MID1: variants seen among roughly 807,000 people sequenced by gnomAD.
The protein encoded by MID1 is E3 ubiquitin-protein ligase Midline-1.
Under a neutral mutation model 40.4 loss-of-function variants are expected in MID1, and 7 were observed. The ratio of observed to expected loss-of-function variants is 0.17; its 90% CI spans 0.10 to 0.33. The LOEUF (loss-of-function observed/expected upper bound fraction) is 0.33. Ranked by LOEUF, MID1 falls within the 10% of genes least tolerant of loss-of-function variation. MID1 has a pLI of 1.00. For synonymous variants in MID1, 229 were observed against 221.2 expected, an observed-to-expected ratio of 1.04 and a Z score of -0.31; for missense variants, 367 against 558.5, an observed-to-expected ratio of 0.66 and a Z score of 3.46.
chrX:10,547,814 A>T (rs1442700323), intron 2 of MID1, among the ~76,000 whole-genome samples: 1 of 111,424 alleles, frequency 9.0e-6, no homozygotes, highest in Non-Finnish European at 1.9e-5. Flanking sequence ...TTGGGAACTC[A>T]AATTTAAAGA....
intron 2 of MID1, among the ~76,000 whole-genome samples, chrX:10,541,545 T>C (rs773884139): frequency 1.8e-5 from 2 of 111,584 alleles, no homozygotes; most frequent in Non-Finnish European, 3.8e-5. Flanking sequence ...CACAAGGCTG[T>C]TGATTGACAA....
At chrX:10,614,565 T>C (rs1935809163) in intron 1 of MID1, among the ~76,000 whole-genome samples, 1 of 112,081 alleles carries the variant, frequency 8.9e-6, no homozygotes, top group Admixed American at 9.4e-5. Flanking sequence ...CTCACCCATA[T>C]TACTTCTTTC....
At chrX:10,495,520 G>T in intron 4 of MID1, 64 bp downstream of exon 4, 1 of 829,857 alleles carries the variant, frequency 1.2e-6, no homozygotes, top group Non-Finnish European at 1.8e-6. Flanking sequence ...AAAGTCCCTG[G>T]AGTGTATTAG....
chrX:10,569,867 TTCACA>T (rs1934672481), intron 1 of MID1, among the ~76,000 whole-genome samples: 1 of 111,124 alleles, frequency 9.0e-6, no homozygotes, highest in Admixed American at 9.6e-5. Flanking sequence ...GAATCTGGGG[TTCACA>T]TCACCTCATC....
chrX:10,822,184 C>T (rs2044179751), intron 1 of MID1, among the ~76,000 whole-genome samples: 1 of 111,220 alleles, frequency 9.0e-6, no homozygotes, highest in Non-Finnish European at 1.9e-5. Context: ...AGAAGTAAGG[C>T]CACACACCTG....
chrX:10,650,466 T>C (rs894573996), intron 1 of MID1, among the ~76,000 whole-genome samples: 1 of 110,846 alleles, frequency 9.0e-6, no homozygotes, highest in African/African-American at 3.3e-5. Context: ...AGAAAACAAT[T>C]ACCTCTGGTC....
At chrX:10,622,851 T>C (rs745444608), upstream of MID1, among the ~76,000 whole-genome samples, 10 of 111,628 alleles carry the variant, frequency 9.0e-5, no homozygotes, top group Non-Finnish European at 1.5e-4. Flanking sequence ...CACAAAGTCT[T>C]TTTCATTTAC....
intron 4 of MID1, among the ~76,000 whole-genome samples, chrX:10,492,382 T>A (rs1930997799): frequency 9.0e-6 from 1 of 111,664 alleles, no homozygotes; most frequent in African/African-American, 3.3e-5. Flanking sequence ...CAGCCTACCC[T>A]GCTCTGATAG....
chrX:10,798,945 C>T (rs941278809), intron 1 of MID1, among the ~76,000 whole-genome samples: 2 of 111,652 alleles, frequency 1.8e-5, no homozygotes, highest in African/African-American at 3.3e-5. Context: ...TTCTTTGTCA[C>T]CATGATGGTA....
intron 3 of MID1, among the ~76,000 whole-genome samples, chrX:10,511,266 C>T (rs1353298464): frequency 4.6e-5 from 5 of 109,771 alleles, no homozygotes; most frequent in East Asian, 2.8e-4. Context: ...AAAAAAATTA[C>T]GTGTTTCAAA....
At chrX:10,524,022 T>C (rs191879409) in intron 2 of MID1, among the ~76,000 whole-genome samples, 3 of 111,987 alleles carry the variant, frequency 2.7e-5, no homozygotes, top group Non-Finnish European at 5.6e-5. Context: ...TGAGAGACCC[T>C]GAAATTAATC....
chrX:10,574,329 A>T (rs1934817688), intron 1 of MID1, among the ~76,000 whole-genome samples: 1 of 111,849 alleles, frequency 8.9e-6, no homozygotes, highest in Non-Finnish European at 1.9e-5. Flanking sequence ...TGCAGGCTAG[A>T]AGCTGGAAAA....
At chrX:10,453,686 C>T (rs1303608120) in intron 9 of MID1, among the ~76,000 whole-genome samples, 2 of 112,064 alleles carry the variant, frequency 1.8e-5, no homozygotes, top group East Asian at 5.6e-4. Context: ...CCCACTACAA[C>T]AGAAGAGTCG....
intron 1 of MID1, among the ~76,000 whole-genome samples, chrX:10,670,436 T>TA (rs928495739): frequency 2.7e-5 from 3 of 110,301 alleles, no homozygotes; most frequent in African/African-American, 6.6e-5. Flanking sequence ...AAAGAGAATG[T>TA]AAAAAAAAAT....
chrX:10,651,297 A>G (rs1442676769), intron 1 of MID1, among the ~76,000 whole-genome samples: 8 of 111,912 alleles, frequency 7.1e-5, no homozygotes, highest in African/African-American at 2.6e-4. Flanking sequence ...ACATAGGCAC[A>G]TGGCCCCACT....
chrX:10,533,603 T>G (rs1374044582), intron 2 of MID1, among the ~76,000 whole-genome samples: 1 of 111,248 alleles, frequency 9.0e-6, no homozygotes, highest in East Asian at 2.8e-4. Context: ...ACTATGGGAG[T>G]GTAGGAGGAT....
intron 1 of MID1, among the ~76,000 whole-genome samples, chrX:10,755,726 T>C (rs982511714): frequency 2.7e-5 from 3 of 112,001 alleles, no homozygotes; most frequent in Non-Finnish European, 3.8e-5. Context: ...CCTGGGAGCC[T>C]GTTGTGAGCA....
chrX:10,581,306 T>C (rs1935013690), intron 1 of MID1, among the ~76,000 whole-genome samples: 1 of 112,121 alleles, frequency 8.9e-6, no homozygotes, highest in Non-Finnish European at 1.9e-5. Flanking sequence ...AAACATGTAG[T>C]ACCTTGAAGC....
intron 1 of MID1, among the ~76,000 whole-genome samples, chrX:10,583,859 C>T (rs1319020988): frequency 1.8e-5 from 2 of 110,274 alleles, no homozygotes; most frequent in Non-Finnish European, 3.8e-5. Context: ...GGTGAAACCC[C>T]GTCTCTACTA....
Sources: gnomAD v4.1 joint callset for allele counts (sites outside exome capture counted in the v4.1 genomes callset) on GRCh38, gnomAD v4.1.1 for gene constraint, MANE v1.5 for transcripts, NCBI Gene and HGNC (gene_info 2026-07-23, HGNC 2026-07-21) for gene names.